The following TRAPPC8 variants were observed in gnomAD, a reference collection of about 807,000 sequenced individuals.
TRAPPC8 encodes the protein trafficking protein particle complex subunit 8.
In TRAPPC8, 54 loss-of-function variants were observed where a neutral mutation model predicts 174.3. The observed-to-expected ratio is 0.31, with a 90% confidence interval of 0.25 to 0.39. The LOEUF is 0.39. Ranked by LOEUF, TRAPPC8 falls within the 10% of genes least tolerant of loss-of-function variation. The pLI, the probability that TRAPPC8 is intolerant of heterozygous loss-of-function variation, is 1.00. For missense variants in TRAPPC8, 1,531 were observed against 1,699.1 expected, an observed-to-expected ratio of 0.90 and a Z score of 1.74; for synonymous variants, 630 against 579.9, an observed-to-expected ratio of 1.09 and a Z score of -1.24.
At chr18:31,857,045 T>G (rs2145099161) in intron 20 of TRAPPC8, among the ~76,000 whole-genome samples, 1 of 152,280 alleles carries the variant, frequency 6.6e-6, no homozygotes, top group Admixed American at 6.5e-5. Context: ...TTAGCTTTGA[T>G]TTCTTCAGTG....
At chr18:31,902,980 G>A (rs886601703) in intron 9 of TRAPPC8, among the ~76,000 whole-genome samples, 4 of 151,508 alleles carry the variant, frequency 2.6e-5, no homozygotes, top group Non-Finnish European at 5.9e-5. Flanking sequence ...ACCCCGGGGA[G>A]CGGAGCCTGC....
chr18:31,931,295 C>T lies in TRAPPC8; in HGVS notation c.352+34G>A, dbSNP rs369540156. ...CGCTTTTTCTAACAAAACGAAATTT[C>T]ACTCAAAAAATAACAATAAACCTTG... is the stretch of plus-strand genomic sequence containing the variant. On this transcript the variant is annotated intron_variant, in intron 2 of 28. Transcript: ENST00000283351. The T allele has an allele frequency of 2.7e-6, 4 of 1,464,896 alleles. No individual in the cohort carries two copies. In the African/African-American group the frequency reaches 4.3e-5, roughly 16 times the overall value. 90.7% of individuals were successfully genotyped at this position (1,464,896 alleles called of 1,614,324 possible).
intron 11 of TRAPPC8, 156 bp from the exon 12 acceptor site, chr18:31,891,022 A>AT: frequency 2.0e-6 from 1 of 497,106 alleles, no homozygotes; most frequent in Admixed American, 4.5e-5. Flanking sequence ...ACCAATCTTG[A>AT]TTTTTCCAAT....
chr18:31,842,960 T>C (rs1196339006), intron 26 of TRAPPC8, among the ~76,000 whole-genome samples: 2 of 152,156 alleles, frequency 1.3e-5, no homozygotes, highest in Admixed American at 1.3e-4. Flanking sequence ...TCTGATCCAT[T>C]ACATAGTTTT....
At chr18:31,884,905 G>A (rs1375523668) in intron 12 of TRAPPC8, among the ~76,000 whole-genome samples, 3 of 150,920 alleles carry the variant, frequency 2.0e-5, no homozygotes, top group African/African-American at 7.3e-5. Flanking sequence ...CCAGGCTGGA[G>A]TGCAGTGGCG....
intron 12 of TRAPPC8, among the ~76,000 whole-genome samples, chr18:31,889,914 T>G (rs1266020454): frequency 1.3e-5 from 2 of 152,344 alleles, no homozygotes; most frequent in Non-Finnish European, 1.5e-5. Context: ...AACACTGGGA[T>G]GCTTTGGTTA....
In TRAPPC8 at chr18:31,857,818, T is replaced by C. The variant is rs768024322; in HGVS notation, c.2910A>G (p.Leu970=). 6.2e-7 allele frequency: 1 copy of C among 1,614,140 alleles called. No individual in the cohort carries two copies. The highest frequency in any genetic ancestry group is 8.5e-7 in the Non-Finnish European group (1 of 1,180,032). The change falls in exon 20 of 29, where the codon CTA becomes CTG. Residue 970 remains leucine, a synonymous_variant. Transcript: ENST00000283351. Reference sequence around the variant, plus strand: ...TACAATTCTCAGAAGCTGAGGGACTTAGTGGTGTTAGAACAGCAGTATTAC... The same window carrying C: ...TACAATTCTCAGAAGCTGAGGGACTCAGTGGTGTTAGAACAGCAGTATTAC... The part of the protein sequence containing the change: ...FGGNTAVLTP[L]SPSASENCSA...
At chr18:31,846,683 A>C in intron 26 of TRAPPC8, 33 bp downstream of exon 26, 2 of 1,504,678 alleles carry the variant, frequency 1.3e-6, no homozygotes, top group Non-Finnish European at 1.8e-6. Context: ...CCACAAGTTC[A>C]CCAGAAAGCT....
chr18:31,878,293 A>G (rs2035262209), intron 12 of TRAPPC8, among the ~76,000 whole-genome samples: 1 of 152,226 alleles, frequency 6.6e-6, no homozygotes, highest in African/African-American at 2.4e-5. Context: ...CAGACTTCTC[A>G]GAAGAAACCT....
rs1198642611 is a variant in TRAPPC8, at chr18:31,839,356, A to T, written c.3939T>A (p.Ser1313Arg). Residue 1313 changes from serine (S) to arginine (R), a missense_variant, in exon 27 of 29, where the codon AGT (serine) becomes AGA (arginine). Physicochemically the swap from Ser to Arg is moderately radical, Grantham distance 110. Coordinates refer to ENST00000283351, the MANE Select transcript of TRAPPC8 (RefSeq NM_014939.5). ...VEQLSSLIKT[S>R]LHYPESFNHP... ...GATTAAATGATTCTGGGTAGTGAAGACTCGTTTTAATGAGACTAGAAAGCT... is the reference window on the plus strand; with the variant it reads ...GATTAAATGATTCTGGGTAGTGAAGTCTCGTTTTAATGAGACTAGAAAGCT... 1.2e-6 allele frequency: 2 copies of T among 1,611,186 alleles called. No individual in the cohort carries two copies. Among genetic ancestry groups the T allele is most frequent in the Admixed American group, 1.7e-5 (1 of 59,730 alleles).
intron 12 of TRAPPC8, among the ~76,000 whole-genome samples, chr18:31,876,569 A>C (rs1041450774): frequency 3.3e-5 from 5 of 151,274 alleles, no homozygotes; most frequent in Admixed American, 3.3e-4. Flanking sequence ...GAAAGATCAA[A>C]GTAACTAATT....
At chr18:31,863,579 A>G (rs2034438173) in intron 19 of TRAPPC8, among the ~76,000 whole-genome samples, 2 of 152,214 alleles carry the variant, frequency 1.3e-5, no homozygotes, top group South Asian at 4.1e-4. Flanking sequence ...AACGTGTAGT[A>G]TGATTGCATC....
chr18:31,923,642 T>A (rs1465018213), intron 2 of TRAPPC8, among the ~76,000 whole-genome samples: 1 of 152,110 alleles, frequency 6.6e-6, no homozygotes, highest in Non-Finnish European at 1.5e-5. Context: ...TTAATGAAAT[T>A]TTACTAAAAT....
At chr18:31,839,151 T>C (rs1042348869) in intron 27 of TRAPPC8, among the ~76,000 whole-genome samples, 161 bp downstream of exon 27, 5 of 152,198 alleles carry the variant, frequency 3.3e-5, no homozygotes, top group Admixed American at 2.0e-4. Flanking sequence ...TTAACTGATA[T>C]TGTCTAAACT....
At chr18:31,864,602 C>A (rs1436152083) in intron 19 of TRAPPC8, 25 bp downstream of exon 19, 2 of 1,600,586 alleles carry the variant, frequency 1.2e-6, no homozygotes. Context: ...AAATTAAGTC[C>A]ATGAAATTTT....
chr18:31,854,064 TTACAATA>T, intron 21 of TRAPPC8, 119 bp from the exon 22 acceptor site: 1 of 743,028 alleles, frequency 1.3e-6, no homozygotes, highest in African/African-American at 1.8e-5. Context: ...TAAGATGCAA[TTACAATA>T]TACATTTCCA....
At chr18:31,912,465 C>G (rs566587240) in intron 5 of TRAPPC8, among the ~76,000 whole-genome samples, 3 of 151,918 alleles carry the variant, frequency 2.0e-5, no homozygotes, top group South Asian at 4.2e-4. Context: ...GCACCCCAGC[C>G]TGGGCAACAG....
chr18:31,940,237 G>A (rs559356571), intron 1 of TRAPPC8, among the ~76,000 whole-genome samples: 449 of 152,232 alleles, frequency 2.9e-3, no homozygotes, highest in African/African-American at 0.01. Flanking sequence ...AGCACTTTGG[G>A]AGGCGGAGGC....
intron 2 of TRAPPC8, among the ~76,000 whole-genome samples, chr18:31,924,228 T>G (rs1174551199): frequency 6.6e-6 from 1 of 151,344 alleles, no homozygotes; most frequent in African/African-American, 2.4e-5. Context: ...GAGGTTGCAG[T>G]GAGCCGAGGT....
Sources: gnomAD v4.1 joint callset for allele counts (sites outside exome capture counted in the v4.1 genomes callset) on GRCh38, gnomAD v4.1.1 for gene constraint, MANE v1.5 for transcripts, NCBI Gene and HGNC (gene_info 2026-07-23, HGNC 2026-07-21) for gene names.